PHKB: variants seen among roughly 807,000 people sequenced by gnomAD.
The protein encoded by PHKB is phosphorylase b kinase regulatory subunit beta.
PHKB carries 122 observed loss-of-function variants against 152.1 expected under a neutral mutation model. The observed-to-expected ratio is 0.80, with a 90% CI of 0.69 to 0.93. The LOEUF is 0.93. PHKB is among the 40% of genes least tolerant of loss of function. PHKB has a pLI of 0.00. For missense variants in PHKB, 1,304 were observed against 1,328.4 expected, an observed-to-expected ratio of 0.98 and a Z score of 0.29; for synonymous variants, 436 against 464.9, an observed-to-expected ratio of 0.94 and a Z score of 0.80.
Position 47,497,457 on chromosome 16 carries a change from C to T in PHKB, c.135C>T (p.Leu45=). ...TTCCAAGACCTGATAATGAAACTCT[C>T]TGGGATAAGTTGGACCATTATTACA... ...INLPRPDNET[L]WDKLDHYYRI... Residue 45 remains leucine (L), a synonymous_variant, in exon 2 of 31, where the codon CTC becomes CTT. Coordinates refer to ENST00000323584, the MANE Select transcript of PHKB (RefSeq NM_000293.3). 6.2e-7 allele frequency: 1 copy of T among 1,609,214 alleles called. No homozygotes were observed. Among genetic ancestry groups the T allele is most frequent in the Non-Finnish European group, 8.5e-7 (1 of 1,177,158 alleles).
At chr16:47,479,189 A>G (rs546519751) in intron 1 of PHKB, among the ~76,000 whole-genome samples, 1 of 152,206 alleles carries the variant, frequency 6.6e-6, no homozygotes, top group South Asian at 2.1e-4. Flanking sequence ...TAGATCTTAC[A>G]AGGTGGAGAA....
At chr16:47,522,298 A>G (rs1455871540) in intron 6 of PHKB, among the ~76,000 whole-genome samples, 4 of 152,096 alleles carry the variant, frequency 2.6e-5, no homozygotes, top group African/African-American at 4.8e-5. Context: ...GAATTTGTCT[A>G]TTTAATCTAG....
chr16:47,619,440 G>A (rs549099733), intron 14 of PHKB: 32 of 152,228 alleles, frequency 2.1e-4, no homozygotes, highest in African/African-American at 7.7e-4. Context: ...TGTATGCTGG[G>A]ATTCATTATA....
At chr16:47,616,171 T>G (rs1972510664) in intron 14 of PHKB, among the ~76,000 whole-genome samples, 1 of 152,164 alleles carries the variant, frequency 6.6e-6, no homozygotes, top group Non-Finnish European at 1.5e-5. Flanking sequence ...GTTTCTAATT[T>G]TGAAGAAGCC....
chr16:47,650,969 T>A, intron 20 of PHKB, 48 bp downstream of exon 20: 1 of 1,231,690 alleles, frequency 8.1e-7, no homozygotes, highest in Non-Finnish European at 1.2e-6. Context: ...ACAGTTAATC[T>A]ACAATACAGC....
chr16:47,489,286 C>T (rs760620921), intron 1 of PHKB, among the ~76,000 whole-genome samples: 7 of 152,186 alleles, frequency 4.6e-5, no homozygotes, highest in East Asian at 1.9e-4. Context: ...CTCCTGACCT[C>T]GTGAGGAGAA....
intron 6 of PHKB, among the ~76,000 whole-genome samples, chr16:47,519,780 G>A (rs1055378566): frequency 2.0e-5 from 3 of 152,158 alleles, no homozygotes; most frequent in African/African-American, 7.2e-5. Context: ...ATGATCAGGA[G>A]CCAGCCTGCT....
chr16:47,535,879 C>T (rs1970943486), intron 6 of PHKB, among the ~76,000 whole-genome samples: 1 of 152,108 alleles, frequency 6.6e-6, no homozygotes, highest in Non-Finnish European at 1.5e-5. Context: ...AAATATTTCT[C>T]TACATACTTT....
intron 4 of PHKB, among the ~76,000 whole-genome samples, chr16:47,510,042 C>T (rs898353339): frequency 1.3e-5 from 2 of 152,158 alleles, no homozygotes; most frequent in Non-Finnish European, 2.9e-5. Context: ...ACTTTACTTA[C>T]TATTACCAGT....
intron 13 of PHKB, among the ~76,000 whole-genome samples, chr16:47,608,828 T>C (rs1039873811): frequency 3.3e-5 from 5 of 152,240 alleles, no homozygotes; most frequent in African/African-American, 1.2e-4. Flanking sequence ...TCTATCCTTA[T>C]GCTAATGCCA....
Position 47,660,676 on chromosome 16 carries a change from T to G in PHKB, c.2053T>G (p.Phe685Val), listed in dbSNP as rs1567345529. 6.2e-7 allele frequency: 1 copy of G among 1,614,008 alleles called. No homozygotes were observed. The highest frequency in any genetic ancestry group is 1.7e-5 in the Admixed American group (1 of 60,010). Residue 685 changes from phenylalanine to valine, a missense_variant, in exon 22 of 31, where the codon TTT becomes GTT. Physicochemically the swap from Phe to Val is conservative, Grantham distance 50. Coordinates refer to ENST00000323584, the MANE Select transcript of PHKB (RefSeq NM_000293.3). ...TTTTAGGCTTCCAGAATTTAAGAGT[T>G]TTGAGGAACTAGAACCTCCCAAACA... The part of the protein sequence containing the change: ...DTEELPEFKS[F>V]EELEPPKHSK...
At chr16:47,511,528 A>T in intron 4 of PHKB, 137 bp from the exon 5 acceptor site, 1 of 671,326 alleles carries the variant, frequency 1.5e-6, no homozygotes, top group Non-Finnish European at 2.7e-6. Context: ...TCTTGAGAAA[A>T]GGTAACGTTT....
intron 1 of PHKB, among the ~76,000 whole-genome samples, chr16:47,470,882 A>G (rs1969754812): frequency 6.6e-6 from 1 of 152,176 alleles, no homozygotes; most frequent in African/African-American, 2.4e-5. Context: ...GCCTGATGGA[A>G]TTTATGCAGA....
At chr16:47,464,370 C>A (rs1969630541) in intron 1 of PHKB, among the ~76,000 whole-genome samples, 1 of 152,198 alleles carries the variant, frequency 6.6e-6, no homozygotes, top group African/African-American at 2.4e-5. Context: ...TCCCACTTAT[C>A]TGTTCTTCAT....
intron 1 of PHKB, among the ~76,000 whole-genome samples, chr16:47,475,903 G>A (rs1440416974): frequency 6.6e-6 from 1 of 152,044 alleles, no homozygotes; most frequent in Non-Finnish European, 1.5e-5. Context: ...GATCTTCCTT[G>A]ATCTCCCAGG....
intron 20 of PHKB, among the ~76,000 whole-genome samples, chr16:47,660,215 G>C (rs1281116622): frequency 6.6e-6 from 1 of 152,116 alleles, no homozygotes; most frequent in Non-Finnish European, 1.5e-5. Flanking sequence ...TTTAATTCCA[G>C]ATTAAAAGTA....
chr16:47,566,796 A>T (rs745570816), intron 7 of PHKB: 2 of 731,510 alleles, frequency 2.7e-6, no homozygotes, highest in South Asian at 2.7e-5. Context: ...TGGTTTGGAA[A>T]CATAAGTGCT....
intron 25 of PHKB, chr16:47,665,764 T>C (rs757874752): frequency 3.0e-6 from 2 of 677,676 alleles, no homozygotes; most frequent in Non-Finnish European, 5.4e-6. Flanking sequence ...TAATTCTGAA[T>C]GGTCCTGCAG....
chr16:47,611,872 A>G (rs1228480323), intron 14 of PHKB, among the ~76,000 whole-genome samples: 3 of 152,198 alleles, frequency 2.0e-5, no homozygotes, highest in African/African-American at 7.2e-5. Flanking sequence ...TCAAGAACAT[A>G]AAATTCCTGT....
Sources: gnomAD v4.1 joint callset for allele counts (sites outside exome capture counted in the v4.1 genomes callset) on GRCh38, gnomAD v4.1.1 for gene constraint, MANE v1.5 for transcripts, NCBI Gene and HGNC (gene_info 2026-07-23, HGNC 2026-07-21) for gene names.